COL6A6: variants seen among roughly 807,000 people sequenced by gnomAD.
COL6A6 encodes collagen type VI alpha 6 chain, also known as collagen alpha-6(VI) chain.
COL6A6 carries 183 observed loss-of-function variants against 208.6 expected under a neutral mutation model. That is an observed-to-expected ratio of 0.88 (90% CI 0.78 to 0.99). The LOEUF (loss-of-function observed/expected upper bound fraction) is 0.99, where lower values mean the gene tolerates loss of function less well. Ranked by LOEUF, COL6A6 falls within the 50% of genes least tolerant of loss-of-function variation. COL6A6 has a pLI of 0.00. For synonymous variants in COL6A6, 973 were observed against 1,011.8 expected (o/e 0.96, Z 0.73); for missense variants, 2,816 against 2,815.2 (o/e 1.00, Z -0.01).
chr3:130,565,836 G>A (rs1033080967), intron 4 of COL6A6, among the ~76,000 whole-genome samples: 2 of 152,116 alleles, frequency 1.3e-5, no homozygotes, highest in African/African-American at 4.8e-5. Context: ...TTCCTCTTTT[G>A]TGCAGCTTTA....
intron 1 of COL6A6, among the ~76,000 whole-genome samples, chr3:130,548,954 C>A (rs1253650166): frequency 6.6e-6 from 1 of 152,152 alleles, no homozygotes; most frequent in African/African-American, 2.4e-5. Flanking sequence ...TCAGTTTGTT[C>A]AGCTTTTTAC....
chr3:130,596,107 A>G (rs939896426), intron 18 of COL6A6, among the ~76,000 whole-genome samples: 1 of 152,088 alleles, frequency 6.6e-6, no homozygotes, highest in Admixed American at 6.5e-5. Context: ...GAACATGTAA[A>G]TGTTAGGCAA....
At chr3:130,622,748 T>G (rs1183840615) in intron 24 of COL6A6, among the ~76,000 whole-genome samples, 3 of 152,068 alleles carry the variant, frequency 2.0e-5, no homozygotes, top group African/African-American at 7.2e-5. Flanking sequence ...TCCCAGCTAC[T>G]CAGGAGGCTG....
intron 8 of COL6A6, among the ~76,000 whole-genome samples, chr3:130,577,269 G>C (rs778152889): frequency 1.3e-5 from 2 of 152,150 alleles, no homozygotes; most frequent in South Asian, 4.1e-4. Flanking sequence ...CAGGAAGTAA[G>C]ACTAAGCACA....
At chr3:130,647,764 C>T (rs2065503286) in intron 32 of COL6A6, among the ~76,000 whole-genome samples, 1 of 152,186 alleles carries the variant, frequency 6.6e-6, no homozygotes, top group Non-Finnish European at 1.5e-5. Context: ...ATGGTCTTTG[C>T]TGTGTTTATT....
chr3:130,550,203 T>C (rs2062611469), intron 1 of COL6A6, among the ~76,000 whole-genome samples: 1 of 152,172 alleles, frequency 6.6e-6, no homozygotes, highest in South Asian at 2.1e-4. Flanking sequence ...TCAAGAAGCT[T>C]TTGGGCAGGC....
intron 26 of COL6A6, 115 bp from the exon 27 acceptor site, chr3:130,634,475 C>T: frequency 1.2e-6 from 1 of 826,638 alleles, no homozygotes; most frequent in Non-Finnish European, 2.0e-6. Context: ...TTGTTTTGGC[C>T]CTTCCTTAAT....
At chr3:130,532,940 A>T (rs1031188005) in intron 1 of COL6A6, among the ~76,000 whole-genome samples, 4 of 151,882 alleles carry the variant, frequency 2.6e-5, no homozygotes, top group Non-Finnish European at 5.9e-5. Flanking sequence ...ATTTTTTCAC[A>T]ATATGGATTC....
intron 25 of COL6A6, among the ~76,000 whole-genome samples, chr3:130,626,810 C>G (rs753991580): frequency 6.6e-6 from 1 of 152,150 alleles, no homozygotes. Flanking sequence ...TCAGCAATCC[C>G]GTAACCCTTT....
intron 1 of COL6A6, among the ~76,000 whole-genome samples, chr3:130,527,132 GT>G (rs986164640): frequency 6.6e-6 from 1 of 152,270 alleles, no homozygotes; most frequent in African/African-American, 2.4e-5. Flanking sequence ...GCCAAAATGT[GT>G]TTCAAAAACT....
chr3:130,627,434 A>C (rs1393631523), intron 26 of COL6A6, 65 bp downstream of exon 26: 21 of 1,447,286 alleles, frequency 1.5e-5, no homozygotes, highest in Non-Finnish European at 3.9e-6. Flanking sequence ...TTTGTTTGCC[A>C]CATTTAAGAG....
chr3:130,607,291 T>C (rs577846839), intron 21 of COL6A6, among the ~76,000 whole-genome samples: 1 of 152,278 alleles, frequency 6.6e-6, no homozygotes, highest in Admixed American at 6.5e-5. Context: ...CTTTGGAATC[T>C]TACAATTATA....
rs368572586 is a variant in COL6A6 at position 130,664,968 on chromosome 3, G to A, written c.6503-35G>A. The stretch of plus-strand genomic sequence containing the variant: ...AGATTGCAGTAATGTTAACAGTCAT[G>A]AATACAAGACTTATCACAGACTTTT... On this transcript the variant is annotated intron_variant, in intron 35 of 36. Transcript: ENST00000358511. The A allele has an allele frequency of 6.6e-5, 91 of 1,380,792 alleles. 2 individuals are homozygous for A. In the African/African-American group the frequency reaches 1.2e-3, roughly 18 times the overall value. 85.5% of individuals were successfully genotyped at this position (1,380,792 alleles called of 1,614,324 possible). A position where few individuals can be genotyped will look rare whatever the true frequency, so the allele number is the denominator to read the frequency against.
chr3:130,533,374 T>C (rs184252748), intron 1 of COL6A6, among the ~76,000 whole-genome samples: 1 of 152,260 alleles, frequency 6.6e-6, no homozygotes, highest in East Asian at 1.9e-4. Context: ...CTCTACCAGA[T>C]TGGTTTTCAC....
At chr3:130,534,012 T>C (rs1448683543) in intron 1 of COL6A6, among the ~76,000 whole-genome samples, 3 of 152,230 alleles carry the variant, frequency 2.0e-5, no homozygotes, top group Admixed American at 1.3e-4. Context: ...ATATATTGTC[T>C]TGTACACATG....
At chr3:130,634,457 G>T in intron 26 of COL6A6, 133 bp from the exon 27 acceptor site, 1 of 728,774 alleles carries the variant, frequency 1.4e-6, no homozygotes, top group East Asian at 2.8e-5. Context: ...TTCACTTCCA[G>T]ATTTCAATTG....
At chr3:130,542,134 T>A (rs1259354163) in intron 1 of COL6A6, among the ~76,000 whole-genome samples, 1 of 149,388 alleles carries the variant, frequency 6.7e-6, no homozygotes, top group Non-Finnish European at 1.5e-5. Flanking sequence ...TTTGTTGATT[T>A]TTTTTTTCTA....
At chr3:130,668,563 A>G (rs1220536107) in intron 36 of COL6A6, among the ~76,000 whole-genome samples, 1 of 152,204 alleles carries the variant, frequency 6.6e-6, no homozygotes, top group East Asian at 1.9e-4. Flanking sequence ...AAAATGATGG[A>G]AAAAACATAC....
At chr3:130,542,210 G>A (rs114353250) in intron 1 of COL6A6, among the ~76,000 whole-genome samples, 3,129 of 148,460 alleles carry the variant, frequency 0.021, 115 homozygotes, top group African/African-American at 0.072. Context: ...AATTCACTGC[G>A]TCACACAAAT....
Sources: gnomAD v4.1 joint callset for allele counts (sites outside exome capture counted in the v4.1 genomes callset) on GRCh38, gnomAD v4.1.1 for gene constraint, MANE v1.5 for transcripts, NCBI Gene and HGNC (gene_info 2026-07-23, HGNC 2026-07-21) for gene names.